Variants in DOCK3 observed in about 807,000 individuals in gnomAD.
DOCK3 encodes dedicator of cytokinesis 3.
Under a neutral mutation model 265.6 loss-of-function variants are expected in DOCK3, and 60 were observed. That is an observed-to-expected ratio of 0.23 (90% CI 0.18 to 0.28). DOCK3 has a LOEUF of 0.28. Among genes scored for constraint, DOCK3 ranks in the 10% least tolerant of loss-of-function variants. The pLI, the probability that DOCK3 is intolerant of heterozygous loss-of-function variation, is 1.00. For synonymous variants in DOCK3, 881 were observed against 938.0 expected (o/e 0.94, Z 1.11); for missense variants, 1,981 against 2,594.3 (o/e 0.76, Z 5.14).
rs201432567 is a variant in DOCK3, at chr3:51,272,863, T to G, written c.2548+1856T>G. Among the ~76,000 whole-genome samples, 4 of 152,162 alleles carry G rather than the reference T, an allele frequency of 2.6e-5. No individual in the cohort carries two copies. In the East Asian group the frequency reaches 5.8e-4, roughly 22 times the overall value. Reference sequence around the variant, plus strand: ...CTGTACACACTTGAGCTTTGTGCACTGCTTAAAGAAAATGCTTTTGGCCGG... The same window carrying G: ...CTGTACACACTTGAGCTTTGTGCACGGCTTAAAGAAAATGCTTTTGGCCGG... On this transcript the variant is annotated intron_variant, in intron 24 of 52. Transcript: ENST00000266037.
intron 12 of DOCK3, among the ~76,000 whole-genome samples, chr3:51,199,901 G>A (rs1422387517): frequency 1.3e-5 from 2 of 152,118 alleles, no homozygotes; most frequent in East Asian, 1.9e-4. Flanking sequence ...TGCAGACACC[G>A]CTGCTGATAC....
At position 50,766,673 on chromosome 3, in the gene DOCK3, T is replaced by C. The variant is rs9828741; in HGVS notation, c.38-12002T>C. Among the ~76,000 whole-genome samples, 419 of 152,288 alleles carry C rather than the reference T, an allele frequency of 2.8e-3. 2 individuals are homozygous for C. Among genetic ancestry groups the C allele is most frequent in the African/African-American group, 9.6e-3 (401 of 41,558 alleles). On this transcript the variant is annotated intron_variant, in intron 1 of 52. Coordinates refer to ENST00000266037, the MANE Select transcript of DOCK3 (RefSeq NM_004947.5). ...TGGCTGGGTCAAATGGTATTTCTAG[T>C]TCTAGATCCTTGAGGAATTGCCACA...
chr3:51,069,590 GTA>G (rs976027603), intron 6 of DOCK3, among the ~76,000 whole-genome samples: 34 of 147,054 alleles, frequency 2.3e-4, no homozygotes, highest in Middle Eastern at 3.4e-3. Context: ...GTGTGTGTGT[GTA>G]TATATATATA....
intron 4 of DOCK3, among the ~76,000 whole-genome samples, chr3:50,913,201 G>T (rs1038421373): frequency 6.6e-6 from 1 of 152,036 alleles, no homozygotes; most frequent in Non-Finnish European, 1.5e-5. Flanking sequence ...TTCCCTTCAA[G>T]GCTGCGGGTT....
At chr3:51,185,587 T>G (rs1040504581) in intron 12 of DOCK3, among the ~76,000 whole-genome samples, 4 of 152,144 alleles carry the variant, frequency 2.6e-5, no homozygotes, top group African/African-American at 9.7e-5. Context: ...AACTGCATGT[T>G]CTCTCTCTCA....
intron 5 of DOCK3, among the ~76,000 whole-genome samples, chr3:51,025,354 TAGTGGGCAGC>T (rs1455947787): frequency 6.6e-6 from 1 of 150,910 alleles, no homozygotes; most frequent in Non-Finnish European, 1.5e-5. Context: ...GAGTGGGGAG[TAGTGGGCAGC>T]AGTGAGCCTT....
intron 38 of DOCK3, 127 bp from the exon 39 acceptor site, chr3:51,348,725 G>T: frequency 1.1e-6 from 1 of 927,878 alleles, no homozygotes; most frequent in Non-Finnish European, 1.7e-6. Context: ...TGAGGTATAT[G>T]TTCTTTGTGA....
In DOCK3 at chr3:50,965,362, T is replaced by C. The variant is rs1241411233; in HGVS notation, c.315+31285T>C. On this transcript the variant is annotated intron_variant, in intron 5 of 52. Transcript: ENST00000266037. Reference sequence around the variant, plus strand: ...AAGAATGATCTCAGTGACCTCAGCATTCACCTTAGGAAAACGGAAAAAGAG... The same window carrying C: ...AAGAATGATCTCAGTGACCTCAGCACTCACCTTAGGAAAACGGAAAAAGAG... Among the ~76,000 whole-genome samples, 30 of 151,968 alleles carry C rather than the reference T, an allele frequency of 2.0e-4. 1 individual carries two copies. Among genetic ancestry groups the C allele is most frequent in the Non-Finnish European group, 5.9e-5 (4 of 67,918 alleles).
intron 5 of DOCK3, among the ~76,000 whole-genome samples, chr3:50,934,314 A>G (rs2051237620): frequency 6.6e-6 from 1 of 152,168 alleles, no homozygotes; most frequent in South Asian, 2.1e-4. Flanking sequence ...ACATAACACC[A>G]GGGATCTTAG....
At chr3:50,974,991 G>A (rs911153424) in intron 5 of DOCK3, among the ~76,000 whole-genome samples, 27 of 149,670 alleles carry the variant, frequency 1.8e-4, no homozygotes, top group South Asian at 6.5e-4. Flanking sequence ...CATTGATTTT[G>A]TATCCTGAGA....
rs1334599918 is a variant in DOCK3, at chr3:51,130,134, G to T, written c.747-16415G>T. On this transcript the variant is annotated intron_variant, in intron 9 of 52. Coordinates refer to ENST00000266037, the MANE Select transcript of DOCK3 (RefSeq NM_004947.5). ...CTGAGGTAGAAGTTCCCTGAATTTT[G>T]TCAGATTTATTTCCCATCCTCTGGC... 2.0e-5 allele frequency among the ~76,000 whole-genome samples: 3 copies of T among 152,172 alleles called. No individual in the cohort carries two copies. The East Asian group carries it at 5.8e-4, about 29-fold the overall frequency.
At chr3:50,877,650 T>TTTTTC (rs141046408) in intron 3 of DOCK3, 37,060 of 389,158 alleles carry the variant, frequency 0.095, 3,044 homozygotes, top group East Asian at 0.27. Flanking sequence ...TGGCAGCCAC[T>TTTTTC]TTTTCTTTTC....
chr3:51,045,145 A>G (rs2080719748), intron 5 of DOCK3, among the ~76,000 whole-genome samples: 1 of 152,066 alleles, frequency 6.6e-6, no homozygotes, highest in African/African-American at 2.4e-5. Flanking sequence ...AAGCTTAATC[A>G]TTTCTAGCTT....
chr3:51,070,968 G>A (rs1256494687), intron 6 of DOCK3, among the ~76,000 whole-genome samples: 2 of 152,094 alleles, frequency 1.3e-5, no homozygotes, highest in Non-Finnish European at 2.9e-5. Context: ...CCCTCCCCCC[G>A]ATCCGTGGAA....
chr3:51,214,442 G>GA (rs1173969769), intron 14 of DOCK3, among the ~76,000 whole-genome samples, 195 bp downstream of exon 14: 3 of 152,178 alleles, frequency 2.0e-5, no homozygotes, highest in Non-Finnish European at 4.4e-5. Flanking sequence ...TTCTTTTCCA[G>GA]AAGCCCCTAC....
intron 9 of DOCK3, among the ~76,000 whole-genome samples, chr3:51,104,710 A>G (rs1040722114): frequency 1.3e-5 from 2 of 152,286 alleles, no homozygotes; most frequent in South Asian, 4.1e-4. Context: ...TGAGAAAAAT[A>G]TATAAACAAC....
At chr3:50,946,282 C>T (rs779672988) in intron 5 of DOCK3, among the ~76,000 whole-genome samples, 1 of 151,998 alleles carries the variant, frequency 6.6e-6, no homozygotes, top group Non-Finnish European at 1.5e-5. Context: ...ATACTAGTTC[C>T]CTATCTTACC....
At chr3:51,091,598 G>A (rs4927980) in intron 9 of DOCK3, among the ~76,000 whole-genome samples, 135,925 of 150,840 alleles carry the variant, frequency 0.9, 61,432 homozygotes, top group African/African-American at 0.95. Flanking sequence ...CAGGAAAATC[G>A]CTTCAACCTG....
At chr3:51,362,111 A>G in intron 48 of DOCK3, 114 bp downstream of exon 48, 1 of 1,325,472 alleles carries the variant, frequency 7.5e-7, no homozygotes, top group East Asian at 2.5e-5. Context: ...CTAGCTCCTG[A>G]ATTCAGAACA....
Sources: gnomAD v4.1 joint callset for allele counts (sites outside exome capture counted in the v4.1 genomes callset) on GRCh38, gnomAD v4.1.1 for gene constraint, MANE v1.5 for transcripts, NCBI Gene and HGNC (gene_info 2026-07-23, HGNC 2026-07-21) for gene names.